Variants in PTPRO observed in about 807,000 individuals in gnomAD.
PTPRO encodes the protein receptor-type tyrosine-protein phosphatase O.
A neutral mutation model predicts 145.2 loss-of-function variants in PTPRO; 62 were observed. The ratio of observed to expected loss-of-function variants is 0.43; its 90% confidence interval spans 0.35 to 0.53. PTPRO has a LOEUF of 0.53. Ranked by LOEUF, PTPRO falls within the 20% of genes least tolerant of loss-of-function variation. The pLI is 0.01. For missense variants in PTPRO, 1,345 were observed against 1,482.7 expected, an observed-to-expected ratio of 0.91 and a Z score of 1.53; for synonymous variants, 565 against 514.7, an observed-to-expected ratio of 1.10 and a Z score of -1.32.
chr12:15,473,392 C>T (rs253830), intron 1 of PTPRO, among the ~76,000 whole-genome samples: 152,200 of 152,286 alleles, frequency 1, 76,057 homozygotes, highest in East Asian at 1. Context: ...TCTCCAGGGC[C>T]CTGTGAACAA....
intron 1 of PTPRO, among the ~76,000 whole-genome samples, chr12:15,391,002 T>C (rs970439071): frequency 6.6e-6 from 1 of 152,080 alleles, no homozygotes; most frequent in Non-Finnish European, 1.5e-5. Context: ...AAAATGAGAG[T>C]AAGCTATCCA....
intron 1 of PTPRO, among the ~76,000 whole-genome samples, chr12:15,449,263 G>T (rs1256056840): frequency 6.6e-6 from 1 of 152,204 alleles, no homozygotes; most frequent in Non-Finnish European, 1.5e-5. Context: ...TGGCCACTGG[G>T]ATTGGCCAAG....
chr12:15,400,981 G>A (rs1939476915), intron 1 of PTPRO, among the ~76,000 whole-genome samples: 1 of 152,144 alleles, frequency 6.6e-6, no homozygotes, highest in South Asian at 2.1e-4. Flanking sequence ...ACATTTTAGT[G>A]GCTTAAAGCA....
chr12:15,410,889 T>G lies in PTPRO; in HGVS notation c.76-73085T>G, dbSNP rs550183540. The stretch of plus-strand genomic sequence containing the variant: ...TAGTTTAAATCTTGGCACATAGAAA[T>G]TATATGTCCCTGACCTACTAATTTT... On this transcript the variant is annotated intron_variant, in intron 1 of 26. Transcript: ENST00000281171. The G allele has an allele frequency of 2.0e-5, 3 of 152,278 alleles. 1 individual carries two copies. Among genetic ancestry groups the G allele is most frequent in the African/African-American group, 4.8e-5 (2 of 41,564 alleles). The allele number at this position is 152,278 out of a possible 1,614,324, so 9.4% of individuals were successfully genotyped here. A position where few individuals can be genotyped will look rare whatever the true frequency, so the allele number is the denominator to read the frequency against.
At chr12:15,594,449 T>A (rs1224475516) in intron 25 of PTPRO, among the ~76,000 whole-genome samples, 2 of 151,918 alleles carry the variant, frequency 1.3e-5, no homozygotes, top group Non-Finnish European at 2.9e-5. Context: ...CATAATACCG[T>A]ATTGTATACT....
intron 9 of PTPRO, among the ~76,000 whole-genome samples, chr12:15,517,682 C>T (rs1942628331): frequency 6.6e-6 from 1 of 152,196 alleles, no homozygotes; most frequent in Admixed American, 6.5e-5. Context: ...AAAGAGGCTA[C>T]AGGCCCCATG....
In PTPRO at chr12:15,426,624, G is replaced by A. The variant is rs377357591; in HGVS notation, c.76-57350G>A. Among the ~76,000 whole-genome samples the A allele has an allele frequency of 3.3e-5, 5 of 152,076 alleles. No individual in the cohort carries two copies. In the East Asian group the frequency reaches 5.8e-4, roughly 18 times the overall value. On this transcript the variant is annotated intron_variant, in intron 1 of 26. Transcript: ENST00000281171. ...CAATCTTTTGTCTCAGAACTTTCTA[G>A]CATCTTGTGTTTCAGGGAAGGCTGA...
At chr12:15,376,168 A>G (rs1005675165) in intron 1 of PTPRO, among the ~76,000 whole-genome samples, 2 of 152,198 alleles carry the variant, frequency 1.3e-5, no homozygotes, top group African/African-American at 4.8e-5. Context: ...ACCTAGTCAG[A>G]CTGTCAAAAG....
Position 15,322,733 on chromosome 12 carries a change from C to A in PTPRO, c.7C>A (p.His3Asn), listed in dbSNP as rs1226218227. The A allele has an allele frequency of 1.9e-6, 3 of 1,611,908 alleles. No homozygotes were observed. Among genetic ancestry groups the A allele is most frequent in the East Asian group, 4.5e-5 (2 of 44,824 alleles). MG[H>N]LPTGIHGARR... ...AGTCCCCGTCCGCGCAGCGATGGGG[C>A]ACCTGCCCACGGGGATACACGGCGC... is the stretch of plus-strand genomic sequence containing the variant. The change falls in exon 1 of 27, where the codon CAC becomes AAC. Residue 3 changes from histidine (H) to asparagine (N), a missense_variant. Physicochemically the swap from His to Asn is moderately conservative, Grantham distance 68. Coordinates refer to ENST00000281171, the MANE Select transcript of PTPRO (RefSeq NM_030667.3). This position sits in a 1 kb window ranked among gnomAD's most constrained non-coding sequence, Gnocchi z 6.3.
At chr12:15,357,846 G>C (rs2136238781) in intron 1 of PTPRO, among the ~76,000 whole-genome samples, 1 of 149,210 alleles carries the variant, frequency 6.7e-6, no homozygotes, top group South Asian at 2.2e-4. Flanking sequence ...CAGGGATCTA[G>C]AACTAGAAAT....
At chr12:15,474,915 G>A (rs760255294) in intron 1 of PTPRO, among the ~76,000 whole-genome samples, 4 of 152,152 alleles carry the variant, frequency 2.6e-5, no homozygotes, top group East Asian at 3.9e-4. Context: ...TGCCTAGATC[G>A]CACTTGGCCT....
intron 15 of PTPRO, among the ~76,000 whole-genome samples, chr12:15,554,402 T>A: frequency 6.7e-6 from 1 of 148,858 alleles, no homozygotes; most frequent in South Asian, 2.1e-4. Context: ...TATATAGATA[T>A]AGTGTGTGTG....
At chr12:15,565,366 A>G in intron 17 of PTPRO, 1 of 372,252 alleles carries the variant, frequency 2.7e-6, no homozygotes, top group South Asian at 3.9e-5. Flanking sequence ...AATGGGAAGT[A>G]TAAAGTGCAG....
intron 1 of PTPRO, among the ~76,000 whole-genome samples, chr12:15,438,153 C>T (rs1348907439): frequency 1.3e-5 from 2 of 151,368 alleles, no homozygotes; most frequent in Non-Finnish European, 2.9e-5. Context: ...CCATAAAGCA[C>T]GTAAGGGAAA....
At chr12:15,446,779 A>T (rs556125877) in intron 1 of PTPRO, among the ~76,000 whole-genome samples, 20 of 151,314 alleles carry the variant, frequency 1.3e-4, no homozygotes, top group African/African-American at 4.8e-4. Context: ...ATTTATTAAA[A>T]TATTTTATTT....
chr12:15,412,050 G>A (rs1340418150), intron 1 of PTPRO, among the ~76,000 whole-genome samples: 1 of 152,198 alleles, frequency 6.6e-6, no homozygotes. Flanking sequence ...CCCTCACGCA[G>A]CTCTCTTCAG....
At chr12:15,580,927 CAT>C (rs1193336396) in intron 22 of PTPRO, 96 bp downstream of exon 22, 3 of 1,502,820 alleles carry the variant, frequency 2.0e-6, no homozygotes, top group African/African-American at 2.8e-5. Flanking sequence ...TCAAATAAAA[CAT>C]AGAGACAAAT....
intron 1 of PTPRO, among the ~76,000 whole-genome samples, chr12:15,448,568 T>C (rs1001203193): frequency 2.6e-5 from 4 of 151,984 alleles, no homozygotes; most frequent in Non-Finnish European, 5.9e-5. Context: ...CCTTGCACAC[T>C]GTTGATGGGA....
chr12:15,561,796 G>C (rs546111009), intron 17 of PTPRO, among the ~76,000 whole-genome samples: 10 of 152,188 alleles, frequency 6.6e-5, no homozygotes, highest in African/African-American at 2.4e-4. Context: ...CAAATAAAAT[G>C]AAAGAAAGAT....
Sources: allele counts gnomAD v4.1 joint callset (sites outside exome capture counted in the v4.1 genomes callset), GRCh38; gene constraint gnomAD v4.1.1; non-coding constraint Gnocchi (gnomAD v3.1); transcripts MANE v1.5; gene names NCBI Gene and HGNC (gene_info 2026-07-23, HGNC 2026-07-21).